The following TPGS2 variants were observed in gnomAD, a reference collection of about 807,000 sequenced individuals.
TPGS2 encodes polyglutamylase subunit 2.
Under a neutral mutation model 31.1 loss-of-function variants are expected in TPGS2, and 26 were observed. The ratio of observed to expected loss-of-function variants is 0.84; its 90% CI spans 0.61 to 1.16. TPGS2 has a LOEUF of 1.16. Among genes scored for constraint, TPGS2 ranks in the 50% most tolerant of loss-of-function variants. The pLI, the probability that TPGS2 is intolerant of heterozygous loss-of-function variation, is 0.00. For missense variants in TPGS2, 351 were observed against 363.8 expected (o/e 0.96, Z 0.29); for synonymous variants, 130 against 136.6 (o/e 0.95, Z 0.34).
Position 36,795,132 on chromosome 18 carries a change from A to G in TPGS2, c.*1673T>C, listed in dbSNP as rs1424627608. 17 of 985,324 alleles carry G rather than the reference A, an allele frequency of 1.7e-5. No homozygotes were observed. Among genetic ancestry groups the G allele is most frequent in the Non-Finnish European group, 1.8e-5 (15 of 829,942 alleles). The allele number at this position is 985,324 out of a possible 1,614,324, so 61.0% of individuals were successfully genotyped here. On this transcript the variant is annotated 3_prime_UTR_variant, in exon 7 of 7. Transcript: ENST00000334295. Reference sequence around the variant, plus strand: ...TTCCTCAGGGGCTATGGAAAGTGGTAGGTGGAGGAGATATCGAAGGCGCTT... The same window carrying G: ...TTCCTCAGGGGCTATGGAAAGTGGTGGGTGGAGGAGATATCGAAGGCGCTT...
Position 36,796,004 on chromosome 18 carries a change from A to C in TPGS2, c.*801T>G. 2.0e-6 allele frequency: 2 copies of C among 985,458 alleles called. No homozygotes were observed. Among genetic ancestry groups the C allele is most frequent in the Non-Finnish European group, 2.4e-6 (2 of 829,934 alleles). 61.0% of individuals were successfully genotyped at this position (985,458 alleles called of 1,614,324 possible). Reference sequence around the variant, plus strand: ...CACCTTCTTTAAAAAGTTAATAAGGAAGATAATTGTGGAACGTGTACAAAC... The same window carrying C: ...CACCTTCTTTAAAAAGTTAATAAGGCAGATAATTGTGGAACGTGTACAAAC... On this transcript the variant is annotated 3_prime_UTR_variant, in exon 7 of 7. Transcript: ENST00000334295.
At chr18:36,802,282 T>G (rs72883571) in intron 4 of TPGS2, among the ~76,000 whole-genome samples, 18,377 of 152,248 alleles carry the variant, frequency 0.12, 1,378 homozygotes, top group Admixed American at 0.17. Flanking sequence ...CTGCCCTCAG[T>G]TGAAAAGTTG....
intron 4 of TPGS2, 83 bp from the exon 5 acceptor site, chr18:36,800,394 A>G (rs2044748660): frequency 2.6e-6 from 3 of 1,149,996 alleles, no homozygotes; most frequent in Non-Finnish European, 3.9e-6. Flanking sequence ...CTAGGTGGAA[A>G]AAACAGAAGG....
In TPGS2 at chr18:36,819,763, T is replaced by C. The variant is rs186665293; in HGVS notation, c.86-790A>G. Among the ~76,000 whole-genome samples the C allele has an allele frequency of 3.4e-4, 52 of 152,298 alleles. No individual in the cohort carries two copies. The East Asian group carries it at 8.7e-3, about 25-fold the overall frequency. ...CTGTCCCCACCCCCACAAAAATAGA[T>C]ATTGAAGTCCTAACCCCCAGTACCT... On this transcript the variant is annotated intron_variant, in intron 1 of 6. Coordinates refer to ENST00000334295, the MANE Select transcript of TPGS2 (RefSeq NM_015476.4).
chr18:36,782,943 C>T (rs2044050734), downstream of TPGS2: 5 of 395,942 alleles, frequency 1.3e-5, no homozygotes, highest in Non-Finnish European at 2.2e-5. Context: ...TGCCTGCCAG[C>T]TCAGTGGCAG....
chr18:36,828,722 G>A lies in TPGS2; in HGVS notation c.46C>T (p.His16Tyr), dbSNP rs376163998. The A allele has an allele frequency of 6.8e-6, 11 of 1,613,988 alleles. No individual in the cohort carries two copies. The highest frequency in any genetic ancestry group is 6.8e-6 in the Non-Finnish European group (8 of 1,180,002). The part of the protein sequence containing the change: ...SSPGLGCSKP[H>Y]LEKLTLGITR... ...ATGCCCAGGGTCAGCTTCTCCAGGT[G>A]CGGCTTGCTGCAGCCCAGCCCCGGG... The change falls in exon 1 of 7, where the codon CAC (histidine) becomes TAC (tyrosine). Residue 16 changes from histidine to tyrosine, a missense_variant. Coordinates refer to ENST00000334295, the MANE Select transcript of TPGS2 (RefSeq NM_015476.4).
At position 36,796,479 on chromosome 18, in the gene TPGS2, G is replaced by GTTTC. The variant is rs2044529854; in HGVS notation, c.*322_*325dup. 9.2e-7 allele frequency: 1 copy of GTTTC among 1,085,236 alleles called. No individual in the cohort carries two copies. The highest frequency in any genetic ancestry group is 1.6e-5 in the African/African-American group (1 of 60,738). The allele number at this position is 1,085,236 out of a possible 1,614,324, so 67.2% of individuals were successfully genotyped here. A position where few individuals can be genotyped will look rare whatever the true frequency, so the allele number is the denominator to read the frequency against. ...AATGCTTCATGGGTCAAAACCAGTG[G>GTTTC]TTTCTTTGGGGGACCTCTCTAATCA... On this transcript the variant is annotated 3_prime_UTR_variant, in exon 7 of 7. Coordinates refer to ENST00000334295, the MANE Select transcript of TPGS2 (RefSeq NM_015476.4).
At chr18:36,824,229 A>T (rs771660118) in intron 1 of TPGS2, among the ~76,000 whole-genome samples, 23 of 152,246 alleles carry the variant, frequency 1.5e-4, no homozygotes, top group Non-Finnish European at 7.3e-5. Context: ...TTTTTGTTAT[A>T]TGGATATATC....
chr18:36,813,004 A>G (rs2045498616), intron 2 of TPGS2, among the ~76,000 whole-genome samples: 1 of 152,228 alleles, frequency 6.6e-6, no homozygotes, highest in Non-Finnish European at 1.5e-5. Flanking sequence ...CATAAAGAAA[A>G]AGGACAAAAT....
chr18:36,791,755 G>C (rs1408787118), downstream of TPGS2, among the ~76,000 whole-genome samples: 4 of 152,090 alleles, frequency 2.6e-5, no homozygotes, highest in African/African-American at 9.7e-5. Context: ...TATCTGGCTC[G>C]GTGTTGTGGC....
downstream of TPGS2, among the ~76,000 whole-genome samples, chr18:36,793,029 G>A (rs1454177132): frequency 6.6e-6 from 1 of 152,162 alleles, no homozygotes; most frequent in Non-Finnish European, 1.5e-5. Flanking sequence ...ACCTCCTGTT[G>A]TTGGGTCTTT....
At position 36,796,232 on chromosome 18, in the gene TPGS2, T is replaced by C; in HGVS notation, c.*573A>G. The C allele has an allele frequency of 1.0e-6, 1 of 985,384 alleles. No individual in the cohort carries two copies. The highest frequency in any genetic ancestry group is 1.1e-4 in the East Asian group (1 of 8,802). The allele number at this position is 985,384 out of a possible 1,614,324, so 61.0% of individuals were successfully genotyped here. On this transcript the variant is annotated 3_prime_UTR_variant, in exon 7 of 7. Transcript: ENST00000334295. ...ATCAACATTAACAACAAAAATTAAT[T>C]GAGGAAGAGCAGTATGAAAATATTC...
chr18:36,819,536 T>C (rs1469433050), intron 1 of TPGS2, among the ~76,000 whole-genome samples: 1 of 152,212 alleles, frequency 6.6e-6, no homozygotes, highest in Non-Finnish European at 1.5e-5. Context: ...GGAAAAGGTC[T>C]CCAAATAATC....
chr18:36,781,315 GT>G (rs1272824369), downstream of TPGS2, among the ~76,000 whole-genome samples: 1 of 152,152 alleles, frequency 6.6e-6, no homozygotes, highest in East Asian at 1.9e-4. Context: ...ATTTCGAGGG[GT>G]TGAAAAATCA....
chr18:36,820,990 A>C (rs1291283567), intron 1 of TPGS2: 1 of 152,224 alleles, frequency 6.6e-6, no homozygotes, highest in Non-Finnish European at 1.5e-5. Context: ...GCCGTGGATT[A>C]AAACTCTCTG....
At chr18:36,780,112 G>A (rs116353117), downstream of TPGS2, 1,606 of 1,230,882 alleles carry the variant, frequency 1.3e-3, 20 homozygotes, top group African/African-American at 0.022. Context: ...CCACAGGCTC[G>A]CCTCTTCAGA....
At chr18:36,826,525 T>C (rs991109819) in intron 1 of TPGS2, among the ~76,000 whole-genome samples, 4 of 152,164 alleles carry the variant, frequency 2.6e-5, no homozygotes, top group Non-Finnish European at 5.9e-5. Context: ...TGGATGTCTT[T>C]ATTTCATTTT....
In TPGS2 at chr18:36,794,978, C is replaced by T. The variant is rs561037190; in HGVS notation, c.*1827G>A. 34 of 985,086 alleles carry T rather than the reference C, an allele frequency of 3.5e-5. No homozygotes were observed. The highest frequency in any genetic ancestry group is 1.4e-4 in the South Asian group (3 of 21,272). 61.0% of individuals were successfully genotyped at this position (985,086 alleles called of 1,614,324 possible). On this transcript the variant is annotated 3_prime_UTR_variant, in exon 7 of 7. Coordinates refer to ENST00000334295, the MANE Select transcript of TPGS2 (RefSeq NM_015476.4). ...AAAGCAAATGAAGAAGCTGTTAATACGAAGCTCAGTTTATGCTCCCAAAGA... is the reference window on the plus strand; with the variant it reads ...AAAGCAAATGAAGAAGCTGTTAATATGAAGCTCAGTTTATGCTCCCAAAGA...
At position 36,796,330 on chromosome 18, in the gene TPGS2, T is replaced by C. The variant is rs575880317; in HGVS notation, c.*475A>G. On this transcript the variant is annotated 3_prime_UTR_variant, in exon 7 of 7. Transcript: ENST00000334295. ...CATATCTTTGTGCTAATACAGAATC[T>C]ACCAGCCACATGAATACTCAAAATG... is the stretch of plus-strand genomic sequence containing the variant. 1.0e-6 allele frequency: 1 copy of C among 974,408 alleles called. No individual in the cohort carries two copies. Among genetic ancestry groups the C allele is most frequent in the Non-Finnish European group, 1.2e-6 (1 of 819,932 alleles). The allele number at this position is 974,408 out of a possible 1,614,324, so 60.4% of individuals were successfully genotyped here.
Sources: allele counts gnomAD v4.1 joint callset (sites outside exome capture counted in the v4.1 genomes callset), GRCh38; gene constraint gnomAD v4.1.1; transcripts MANE v1.5; gene names NCBI Gene and HGNC (gene_info 2026-07-23, HGNC 2026-07-21).